SAXO1: variants seen among roughly 807,000 people sequenced by gnomAD.
SAXO1 encodes stabilizer of axonemal microtubules 1.
A neutral mutation model predicts 17.5 loss-of-function variants in SAXO1; 21 were observed. The ratio of observed to expected loss-of-function variants is 1.20; its 90% CI spans 0.85 to 1.72. The LOEUF (loss-of-function observed/expected upper bound fraction) is 1.72. Ranked by LOEUF, SAXO1 falls within the 40% of genes most tolerant of loss-of-function variation. The probability of loss-of-function intolerance (pLI) is 0.00; values close to 1 mark genes in which losing one functional copy is unlikely to be tolerated. For missense variants in SAXO1, 843 were observed against 596.0 expected, an observed-to-expected ratio of 1.41 and a Z score of -4.32; for synonymous variants, 274 against 216.5, an observed-to-expected ratio of 1.27 and a Z score of -2.33.
At chr9:18,996,895 G>A (rs995016684) in intron 1 of SAXO1, among the ~76,000 whole-genome samples, 3 of 152,010 alleles carry the variant, frequency 2.0e-5, no homozygotes, top group African/African-American at 4.8e-5. Flanking sequence ...AAAGGAAGAG[G>A]TAAAATTATC....
At chr9:19,036,265 A>C (rs2131063856), upstream of SAXO1, among the ~76,000 whole-genome samples, 1 of 151,966 alleles carries the variant, frequency 6.6e-6, no homozygotes, top group South Asian at 2.1e-4. Context: ...AAAAAAAAAA[A>C]AAAAGAAAGA....
Position 18,928,660 on chromosome 9 carries a change from C to A in SAXO1, c.817G>T (p.Glu273Ter). The change falls in exon 4 of 4, where the codon GAG (glutamate) becomes TAG (stop). Residue 273 changes from glutamate to a stop codon, truncating the protein, a stop_gained. Coordinates refer to ENST00000380534, the MANE Select transcript of SAXO1 (RefSeq NM_153707.4). LOFTEE classifies it low-confidence loss of function (END_TRUNC). ...CAAGCTTGGTACTTATCTCGAAACTCAGTGGTGTTACAGAAAGGCATGTCT... is the reference window on the plus strand; with the variant it reads ...CAAGCTTGGTACTTATCTCGAAACTAAGTGGTGTTACAGAAAGGCATGTCT... Reference protein sequence around the residue: ...GLDMPFCNTTEFRDKYQAWPM... With the variant: ...GLDMPFCNTT The A allele has an allele frequency of 6.2e-7, 1 of 1,614,074 alleles. No homozygotes were observed. The highest frequency in any genetic ancestry group is 1.1e-5 in the South Asian group (1 of 91,076).
In SAXO1 at chr9:19,014,077, A is replaced by G. The variant is rs570528590; in HGVS notation, c.38+18794T>C. Among the ~76,000 whole-genome samples the G allele has an allele frequency of 1.3e-4, 20 of 152,302 alleles. No individual in the cohort carries two copies. The East Asian group carries it at 3.9e-3, about 29-fold the overall frequency. On this transcript the variant is annotated intron_variant, in intron 1 of 3. Coordinates refer to ENST00000380534, the MANE Select transcript of SAXO1 (RefSeq NM_153707.4). ...TTGGTGAGCCTGGAACACAGGCAGC[A>G]TGAGGAGGAATGGCTGGAAAGGTAG...
At chr9:18,950,963 A>AT (rs1832013451) in intron 1 of SAXO1, 26 bp from the exon 2 acceptor site, 4 of 1,591,200 alleles carry the variant, frequency 2.5e-6, no homozygotes, top group Non-Finnish European at 3.4e-6. Context: ...AGTTAGGTTG[A>AT]TTACCTTCTT....
At position 19,027,728 on chromosome 9, in the gene SAXO1, G is replaced by A. The variant is rs896717726; in HGVS notation, c.38+5143C>T. On this transcript the variant is annotated intron_variant, in intron 1 of 3. Transcript: ENST00000380534. ...CATAGGCACCAAGCACTTTGACAGC[G>A]AGAAGTCCGGGGACCGAGAGGTGCA... The A allele has an allele frequency of 6.3e-6, 9 of 1,427,594 alleles. No homozygotes were observed. In the East Asian group the frequency reaches 7.0e-5, roughly 11 times the overall value. The allele number at this position is 1,427,594 out of a possible 1,614,324, so 88.4% of individuals were successfully genotyped here.
chr9:18,930,538 T>A (rs1830996260), intron 3 of SAXO1, among the ~76,000 whole-genome samples: 2 of 152,054 alleles, frequency 1.3e-5, no homozygotes, highest in African/African-American at 4.8e-5. Flanking sequence ...TCACTCTTGT[T>A]GCCCAGGCTG....
intron 1 of SAXO1, among the ~76,000 whole-genome samples, chr9:18,959,442 G>A (rs911134160): frequency 6.6e-6 from 1 of 152,138 alleles, no homozygotes; most frequent in African/African-American, 2.4e-5. Context: ...TCGACCCAGG[G>A]CATCTACAGA....
chr9:18,968,306 A>G (rs1832808949), intron 1 of SAXO1, among the ~76,000 whole-genome samples: 2 of 152,146 alleles, frequency 1.3e-5, no homozygotes, highest in African/African-American at 4.8e-5. Context: ...TGGCCTCCCA[A>G]AGCACTGGGA....
chr9:19,018,351 G>A (rs1305246081), intron 1 of SAXO1, among the ~76,000 whole-genome samples: 1 of 152,188 alleles, frequency 6.6e-6, no homozygotes, highest in Non-Finnish European at 1.5e-5. Flanking sequence ...CTTGATTCAT[G>A]TAAGTGTCAG....
Position 18,928,309 on chromosome 9 carries a change from T to C in SAXO1, c.1168A>G (p.Lys390Glu), listed in dbSNP as rs1473609567. The change falls in exon 4 of 4, where the codon AAG becomes GAG. Residue 390 changes from lysine (K) to glutamate (E), a missense_variant. Transcript: ENST00000380534. Reference sequence around the variant, plus strand: ...CCTCGAGGGCCAGACCAATGAGGCTTACAGCTTTTGGTATTGATAGGCAGG... The same window carrying C: ...CCTCGAGGGCCAGACCAATGAGGCTCACAGCTTTTGGTATTGATAGGCAGG... ...PHLPINTKSC[K>E]PHWSGPRGNV... 1 of 1,613,396 alleles carries C rather than the reference T, an allele frequency of 6.2e-7. No homozygotes were observed. Among genetic ancestry groups the C allele is most frequent in the African/African-American group, 1.3e-5 (1 of 74,950 alleles).
intron 3 of SAXO1, among the ~76,000 whole-genome samples, chr9:18,939,689 A>ACC (rs1211552327): frequency 3.3e-5 from 5 of 152,242 alleles, no homozygotes; most frequent in Admixed American, 6.5e-5. Flanking sequence ...CTTAGAAGAC[A>ACC]CCAGGACTTC....
At chr9:19,003,026 A>C (rs1834340978) in intron 1 of SAXO1, among the ~76,000 whole-genome samples, 1 of 152,232 alleles carries the variant, frequency 6.6e-6, no homozygotes. Context: ...CCTTAAGCTG[A>C]TAAGCAACTT....
chr9:19,039,120 G>C (rs750773322), intron 1 of SAXO1, among the ~76,000 whole-genome samples: 1 of 150,974 alleles, frequency 6.6e-6, no homozygotes, highest in Non-Finnish European at 1.5e-5. Flanking sequence ...GGGCAACAGA[G>C]CAAGACCCTG....
At chr9:18,994,214 A>G (rs761544369) in intron 1 of SAXO1, among the ~76,000 whole-genome samples, 40 of 152,154 alleles carry the variant, frequency 2.6e-4, no homozygotes, top group Non-Finnish European at 4.9e-4. Context: ...AAGGGTAGCT[A>G]TGCCTATGTG....
At chr9:18,997,808 C>T (rs1834071481) in intron 1 of SAXO1, among the ~76,000 whole-genome samples, 1 of 152,198 alleles carries the variant, frequency 6.6e-6, no homozygotes, top group Non-Finnish European at 1.5e-5. Context: ...GAAGCCTCTG[C>T]TGGTGATACA....
chr9:18,950,668 T>C (rs1056786288), intron 2 of SAXO1, 90 bp downstream of exon 2: 1 of 1,170,154 alleles, frequency 8.5e-7, no homozygotes. Flanking sequence ...GCATTAGCAC[T>C]GCACATTACA....
intron 1 of SAXO1, among the ~76,000 whole-genome samples, chr9:19,006,066 C>A (rs1359617073): frequency 6.6e-6 from 1 of 152,134 alleles, no homozygotes; most frequent in African/African-American, 2.4e-5. Context: ...ATCACAATCA[C>A]AATCAAATAC....
chr9:19,024,095 T>C (rs889359070), intron 1 of SAXO1, among the ~76,000 whole-genome samples: 2 of 130,934 alleles, frequency 1.5e-5, no homozygotes, highest in Non-Finnish European at 3.1e-5. Context: ...AATCCATCCA[T>C]GGCTCTTTGC....
At chr9:18,972,777 CT>C (rs1832999778) in intron 1 of SAXO1, among the ~76,000 whole-genome samples, 1 of 152,234 alleles carries the variant, frequency 6.6e-6, no homozygotes. Context: ...CCTCTTTGCT[CT>C]TCCTTTGTCC....
Sources: gnomAD v4.1 joint callset for allele counts (sites outside exome capture counted in the v4.1 genomes callset) on GRCh38, gnomAD v4.1.1 for gene constraint, MANE v1.5 for transcripts, NCBI Gene and HGNC (gene_info 2026-07-23, HGNC 2026-07-21) for gene names.